The following ARHGEF4 variants were observed in gnomAD, a reference collection of about 807,000 sequenced individuals.
The protein encoded by ARHGEF4 is Rho guanine nucleotide exchange factor 4.
ARHGEF4 carries 119 observed loss-of-function variants against 162.0 expected under a neutral mutation model. The observed-to-expected ratio is 0.73, with a 90% CI of 0.63 to 0.86. The LOEUF (loss-of-function observed/expected upper bound fraction) is 0.86. ARHGEF4 is among the 40% of genes least tolerant of loss of function. The probability of loss-of-function intolerance (pLI) is 0.00; values close to 1 mark genes in which losing one functional copy is unlikely to be tolerated. For synonymous variants in ARHGEF4, 1,014 were observed against 979.9 expected (o/e 1.03, Z -0.65); for missense variants, 2,488 against 2,456.0 (o/e 1.01, Z -0.28).
rs76074581 is a variant in ARHGEF4 at position 130,990,723 on chromosome 2, C to T, written c.3986-37222C>T. ...GCTGGAGTCATTATCCACTTGGGAA[C>T]AGATTGGGACCCATGCAAGGCTTAG... On this transcript the variant is annotated intron_variant, in intron 4 of 13. Coordinates refer to ENST00000409359, the MANE Select transcript of ARHGEF4 (RefSeq NM_001367493.1). 5.6e-4 allele frequency among the ~76,000 whole-genome samples: 85 copies of T among 152,202 alleles called. No individual in the cohort carries two copies. In the East Asian group the frequency reaches 0.014, roughly 25 times the overall value.
rs554594093 is a variant in ARHGEF4 at position 130,991,904 on chromosome 2, C to T, written c.3986-36041C>T. Reference sequence around the variant, plus strand: ...GATCCACTGGGTGAAGCCAGCTGGGCTCCCGAGTCTGGTGGGGACGTGGAG... The same window carrying T: ...GATCCACTGGGTGAAGCCAGCTGGGTTCCCGAGTCTGGTGGGGACGTGGAG... On this transcript the variant is annotated intron_variant, in intron 4 of 13. Coordinates refer to ENST00000409359, the MANE Select transcript of ARHGEF4 (RefSeq NM_001367493.1). Among the ~76,000 whole-genome samples the T allele has an allele frequency of 5.9e-5, 9 of 152,364 alleles. No individual in the cohort carries two copies. In the East Asian group the frequency reaches 1.5e-3, roughly 26 times the overall value.
chr2:130,897,026 G>A (rs560397099), intron 1 of ARHGEF4, among the ~76,000 whole-genome samples: 5 of 152,300 alleles, frequency 3.3e-5, no homozygotes, highest in South Asian at 4.1e-4. Context: ...TAGTTCCTGC[G>A]AGGTTCAGTG....
chr2:131,044,295 G>A lies in ARHGEF4; in HGVS notation c.5158-4G>A, dbSNP rs764804915. 2 of 1,610,494 alleles carry A rather than the reference G, an allele frequency of 1.2e-6. No homozygotes were observed. The highest frequency in any genetic ancestry group is 1.1e-5 in the South Asian group (1 of 90,224). ...CAGCCAGGGCTGAGGCCAGCATCTG[G>A]CAGGACCTGCTCCGCCGCGACGTGT... On this transcript the variant is annotated splice_polypyrimidine_tract_variant and splice_region_variant and intron_variant, in intron 11 of 13. Coordinates refer to ENST00000409359, the MANE Select transcript of ARHGEF4 (RefSeq NM_001367493.1).
At chr2:131,034,605 T>C (rs1690097969) in intron 5 of ARHGEF4, among the ~76,000 whole-genome samples, 1 of 152,160 alleles carries the variant, frequency 6.6e-6, no homozygotes, top group Non-Finnish European at 1.5e-5. Flanking sequence ...ATCTGTGAAG[T>C]GGGGGCCTGC....
chr2:131,040,132 C>G lies in ARHGEF4; in HGVS notation c.4422C>G (p.Val1474=), dbSNP rs758288519. The G allele has an allele frequency of 1.2e-6, 2 of 1,613,338 alleles. No individual in the cohort carries two copies. The highest frequency in any genetic ancestry group is 1.7e-6 in the Non-Finnish European group (2 of 1,179,740). ...QSSKDQMRTN[V]INEILSTERD... is the part of the protein sequence containing the mutation. Reference sequence around the variant, plus strand: ...GCAAGGACCAGATGCGGACCAACGTCATCAACGAGATCCTCAGCACTGAGC... The same window carrying G: ...GCAAGGACCAGATGCGGACCAACGTGATCAACGAGATCCTCAGCACTGAGC... Residue 1474 remains valine (V), a synonymous_variant, in exon 7 of 14, where the codon GTC becomes GTG. Transcript: ENST00000409359.
At chr2:131,041,610 G>A in intron 9 of ARHGEF4, 148 bp downstream of exon 9, 1 of 1,094,828 alleles carries the variant, frequency 9.1e-7, no homozygotes, top group East Asian at 2.5e-5. Context: ...CCTTGCAATG[G>A]GGGAAGAGGA....
intron 3 of ARHGEF4, among the ~76,000 whole-genome samples, chr2:130,945,680 C>T (rs1445166140): frequency 1.3e-5 from 2 of 152,160 alleles, no homozygotes; most frequent in East Asian, 1.9e-4. Context: ...AGTGTTACTT[C>T]GAATTCTGGT....
chr2:130,954,656 A>G (rs2105171498), intron 4 of ARHGEF4, among the ~76,000 whole-genome samples: 1 of 152,326 alleles, frequency 6.6e-6, no homozygotes, highest in Admixed American at 6.5e-5. Context: ...TGTTAATCAT[A>G]TTGAAGAAGG....
At chr2:130,940,278 A>G (rs943394582) in intron 3 of ARHGEF4, among the ~76,000 whole-genome samples, 1 of 152,000 alleles carries the variant, frequency 6.6e-6, no homozygotes. Flanking sequence ...ATGGAACATA[A>G]GGAAATATTT....
At chr2:131,037,941 A>C (rs1197671953) in intron 5 of ARHGEF4, among the ~76,000 whole-genome samples, 1 of 152,206 alleles carries the variant, frequency 6.6e-6, no homozygotes, top group African/African-American at 2.4e-5. Context: ...TGGGAAATGA[A>C]GAGAAGAGGT....
At position 130,843,005 on chromosome 2, in the gene ARHGEF4, G is replaced by A. The variant is rs145782387; in HGVS notation, c.39+6013G>A. On this transcript the variant is annotated intron_variant, in intron 1 of 13. Coordinates refer to ENST00000409359, the MANE Select transcript of ARHGEF4 (RefSeq NM_001367493.1). ...ACACCCTCTAGTGTCTCTTGTAGGC[G>A]GTGAGGTCTGTCCTCAAGAGCCAGG... Among the ~76,000 whole-genome samples the A allele has an allele frequency of 6.4e-4, 98 of 152,248 alleles. 3 individuals carry two copies. In the East Asian group the frequency reaches 0.017, roughly 26 times the overall value.
In ARHGEF4 at chr2:130,888,327, C is replaced by T. The variant is rs138821077; in HGVS notation, c.40-25659C>T. Among the ~76,000 whole-genome samples, 365 of 151,872 alleles carry T rather than the reference C, an allele frequency of 2.4e-3. 6 individuals carry two copies. The highest frequency in any genetic ancestry group is 8.5e-3 in the African/African-American group (350 of 41,328). On this transcript the variant is annotated intron_variant, in intron 1 of 13. Coordinates refer to ENST00000409359, the MANE Select transcript of ARHGEF4 (RefSeq NM_001367493.1). Reference sequence around the variant, plus strand: ...TCTCTACTAAAATACAAAAATTAGCCGGGCATGATGGCAGGTGCCTGTAAT... The same window carrying T: ...TCTCTACTAAAATACAAAAATTAGCTGGGCATGATGGCAGGTGCCTGTAAT...
At chr2:131,045,045 C>T (rs1440677447) in intron 12 of ARHGEF4, among the ~76,000 whole-genome samples, 1 of 152,184 alleles carries the variant, frequency 6.6e-6, no homozygotes, top group Admixed American at 6.5e-5. Flanking sequence ...GTGACCAGGT[C>T]GGCTCTTGGT....
At chr2:130,943,299 C>T (rs995148219) in intron 3 of ARHGEF4, among the ~76,000 whole-genome samples, 3 of 152,082 alleles carry the variant, frequency 2.0e-5, no homozygotes, top group African/African-American at 7.2e-5. Context: ...ACTTGTGTGG[C>T]ATCGTTTTTC....
intron 3 of ARHGEF4, among the ~76,000 whole-genome samples, chr2:130,939,022 G>A (rs1410377568): frequency 5.3e-5 from 8 of 152,114 alleles, no homozygotes; most frequent in Admixed American, 5.2e-4. Context: ...GTATAGTACT[G>A]GATGGGTAGT....
chr2:130,974,090 C>T (rs1685535309), intron 4 of ARHGEF4, among the ~76,000 whole-genome samples: 1 of 150,042 alleles, frequency 6.7e-6, no homozygotes, highest in African/African-American at 2.5e-5. Context: ...GGCAACATGG[C>T]AAAACCTTGT....
rs958025971 is a variant in ARHGEF4, at chr2:131,039,155, C to T, written c.4305+123C>T. On this transcript the variant is annotated intron_variant, in intron 6 of 13. Transcript: ENST00000409359. The stretch of plus-strand genomic sequence containing the variant: ...GTGCAGAGCACTGGGTGGTGGGTGT[C>T]GGGGCGCAGTGTCACAGCCTTCCTC... 4.0e-5 allele frequency: 52 copies of T among 1,310,404 alleles called. No homozygotes were observed. The African/African-American group carries it at 5.1e-4, about 13-fold the overall frequency. The allele number at this position is 1,310,404 out of a possible 1,614,324, so 81.2% of individuals were successfully genotyped here. A position where few individuals can be genotyped will look rare whatever the true frequency, so the allele number is the denominator to read the frequency against.
chr2:130,957,992 T>G (rs1684394234), intron 4 of ARHGEF4, among the ~76,000 whole-genome samples: 1 of 151,328 alleles, frequency 6.6e-6, no homozygotes, highest in Non-Finnish European at 1.5e-5. Flanking sequence ...GTAATTTATA[T>G]TCAATAAAGT....
intron 1 of ARHGEF4, among the ~76,000 whole-genome samples, chr2:130,903,385 G>A (rs929022690): frequency 1.3e-5 from 2 of 151,416 alleles, no homozygotes; most frequent in African/African-American, 2.4e-5. Flanking sequence ...TCAGCCTCCC[G>A]CATAGCTGGG....
Sources: gnomAD v4.1 joint callset for allele counts (sites outside exome capture counted in the v4.1 genomes callset) on GRCh38, gnomAD v4.1.1 for gene constraint, MANE v1.5 for transcripts, NCBI Gene and HGNC (gene_info 2026-07-23, HGNC 2026-07-21) for gene names.